The following SRPK2 variants were observed in gnomAD, a reference collection of about 807,000 sequenced individuals.
SRPK2 encodes SFRS protein kinase 2.
A neutral mutation model predicts 90.8 loss-of-function variants in SRPK2; 21 were observed. The ratio of observed to expected loss-of-function variants is 0.23; its 90% CI spans 0.16 to 0.33. The LOEUF (loss-of-function observed/expected upper bound fraction) is 0.33. SRPK2 is among the 10% of genes least tolerant of loss of function. SRPK2 has a pLI of 1.00. For missense variants in SRPK2, 620 were observed against 869.0 expected (o/e 0.71, Z 3.60); for synonymous variants, 288 against 311.1 (o/e 0.93, Z 0.78).
rs866094242 is a variant in SRPK2 at position 105,210,075 on chromosome 7, C to T, written c.72-6290G>A. ...ACAAGTCTCATCTGCTCTAAATTGC[C>T]ATGGCAACCAGATGAGAGTTCCGAT... On this transcript the variant is annotated intron_variant, in intron 2 of 15. Transcript: ENST00000393651. Among the ~76,000 whole-genome samples the T allele has an allele frequency of 5.3e-5, 8 of 152,304 alleles. No individual in the cohort carries two copies. The Middle Eastern group carries it at 0.01, about 194-fold the overall frequency.
chr7:105,204,724 A>G, intron 2 of SRPK2: 1 of 730,898 alleles, frequency 1.4e-6, no homozygotes, highest in Non-Finnish European at 2.3e-6. Context: ...AGCTTGACAA[A>G]CATATTGTGG....
chr7:105,395,792 G>C, intron 1 of SRPK2, among the ~76,000 whole-genome samples: 1 of 152,030 alleles, frequency 6.6e-6, no homozygotes, highest in East Asian at 1.9e-4. Context: ...CTATAAATTA[G>C]AAGAAAACTA....
At chr7:105,289,759 A>G (rs980330266) in intron 2 of SRPK2, among the ~76,000 whole-genome samples, 2 of 152,100 alleles carry the variant, frequency 1.3e-5, no homozygotes, top group Non-Finnish European at 2.9e-5. Flanking sequence ...CTTTGCATTC[A>G]TACTTGTCTA....
intron 3 of SRPK2, among the ~76,000 whole-genome samples, chr7:105,200,100 A>C (rs1398599419): frequency 1.3e-5 from 2 of 152,070 alleles, no homozygotes; most frequent in African/African-American, 4.8e-5. Flanking sequence ...TCAGGAGTTC[A>C]AGACCAGCCT....
chr7:105,252,884 T>C (rs114065562), intron 2 of SRPK2, among the ~76,000 whole-genome samples: 2,154 of 151,618 alleles, frequency 0.014, 28 homozygotes, highest in African/African-American at 0.037. Flanking sequence ...AGTGGGACTA[T>C]AGGCACGCAC....
chr7:105,169,104 C>G, intron 4 of SRPK2, 53 bp downstream of exon 4: 1 of 1,489,188 alleles, frequency 6.7e-7, no homozygotes. Context: ...TCTTAGAACA[C>G]AGATGTTGAA....
chr7:105,149,193 TA>T (rs1361867122), intron 7 of SRPK2, among the ~76,000 whole-genome samples: 1 of 152,190 alleles, frequency 6.6e-6, no homozygotes, highest in Non-Finnish European at 1.5e-5. Flanking sequence ...TGTCTCGGTA[TA>T]AAACCCGATT....
chr7:105,160,326 T>A, intron 7 of SRPK2, 181 bp downstream of exon 7: 1 of 400,278 alleles, frequency 2.5e-6, no homozygotes, highest in Non-Finnish European at 4.5e-6. Context: ...CAAAATATCA[T>A]TAAATACTGA....
At chr7:105,119,195 C>T (rs1799976311) in intron 15 of SRPK2, among the ~76,000 whole-genome samples, 1 of 151,976 alleles carries the variant, frequency 6.6e-6, no homozygotes, top group African/African-American at 2.4e-5. Flanking sequence ...CTTTCAACTG[C>T]TTTAATTTAA....
At chr7:105,201,958 C>T (rs915321060) in intron 3 of SRPK2, among the ~76,000 whole-genome samples, 9 of 152,260 alleles carry the variant, frequency 5.9e-5, no homozygotes, top group Middle Eastern at 3.4e-3. Flanking sequence ...GCAGAAAAAT[C>T]GAAGACAGTA....
chr7:105,317,406 T>C (rs1419214773), intron 2 of SRPK2, among the ~76,000 whole-genome samples: 1 of 152,246 alleles, frequency 6.6e-6, no homozygotes. Context: ...ATGGGAAGTA[T>C]TCCTGCTACC....
chr7:105,357,093 T>A (rs1817862521), intron 2 of SRPK2, among the ~76,000 whole-genome samples: 1 of 151,944 alleles, frequency 6.6e-6, no homozygotes, highest in Non-Finnish European at 1.5e-5. Context: ...TGGAGTGCAG[T>A]GGTGCGATCT....
intron 2 of SRPK2, among the ~76,000 whole-genome samples, chr7:105,315,688 A>C (rs1253224373): frequency 5.9e-5 from 9 of 152,186 alleles, no homozygotes; most frequent in Admixed American, 5.9e-4. Context: ...ATAATCCCTA[A>C]AGTCACTTAT....
At chr7:105,266,381 T>C (rs1036882444) in intron 2 of SRPK2, among the ~76,000 whole-genome samples, 1 of 152,158 alleles carries the variant, frequency 6.6e-6, no homozygotes, top group African/African-American at 2.4e-5. Flanking sequence ...ATCAGGGTTT[T>C]TGTATTTATA....
At chr7:105,308,093 C>T (rs373791300) in intron 2 of SRPK2, among the ~76,000 whole-genome samples, 1 of 152,098 alleles carries the variant, frequency 6.6e-6, no homozygotes, top group East Asian at 1.9e-4. Flanking sequence ...CCCAAATATA[C>T]CCCAAAATTA....
chr7:105,390,620 T>TTTG (rs1348019411), upstream of SRPK2, among the ~76,000 whole-genome samples: 3 of 148,560 alleles, frequency 2.0e-5, no homozygotes, highest in East Asian at 6.0e-4. Context: ...TTTTTTTTTT[T>TTTG]TTTTTTTTTT....
intron 1 of SRPK2, among the ~76,000 whole-genome samples, chr7:105,398,381 C>G (rs1482726855): frequency 7.4e-6 from 1 of 135,092 alleles, no homozygotes; most frequent in Admixed American, 7.6e-5. Context: ...ACCCAGCCTC[C>G]TTTTTTTTTT....
At chr7:105,367,864 T>C (rs534854044) in intron 2 of SRPK2, among the ~76,000 whole-genome samples, 2 of 152,294 alleles carry the variant, frequency 1.3e-5, no homozygotes, top group Admixed American at 6.5e-5. Flanking sequence ...CTAGGGTACA[T>C]AGTTCAAGTT....
At chr7:105,181,317 A>G (rs1792767732) in intron 3 of SRPK2, among the ~76,000 whole-genome samples, 1 of 152,246 alleles carries the variant, frequency 6.6e-6, no homozygotes, top group African/African-American at 2.4e-5. Flanking sequence ...GCAATTCCTC[A>G]AGGAAATTTA....
Sources: gnomAD v4.1 joint callset for allele counts (sites outside exome capture counted in the v4.1 genomes callset) on GRCh38, gnomAD v4.1.1 for gene constraint, MANE v1.5 for transcripts, NCBI Gene and HGNC (gene_info 2026-07-23, HGNC 2026-07-21) for gene names.